The following KHDRBS2 variants were observed in gnomAD, a reference collection of about 807,000 sequenced individuals.
The protein encoded by KHDRBS2 is KH domain-containing, RNA-binding, signal transduction-associated protein 2.
A neutral mutation model predicts 44.3 loss-of-function variants in KHDRBS2; 26 were observed. The observed-to-expected ratio is 0.59, with a 90% CI of 0.43 to 0.81. KHDRBS2 has a LOEUF of 0.81. Ranked by LOEUF, KHDRBS2 falls within the 40% of genes least tolerant of loss-of-function variation. KHDRBS2 has a pLI of 0.00. For missense variants in KHDRBS2, 476 were observed against 433.1 expected, an observed-to-expected ratio of 1.10 and a Z score of -0.88; for synonymous variants, 194 against 151.1, an observed-to-expected ratio of 1.28 and a Z score of -2.08.
the KHDRBS2 span, among the ~76,000 whole-genome samples, chr6:61,626,872 G>GT: frequency 0.019 from 2,836 of 147,936 alleles, 32 homozygotes; most frequent in Non-Finnish European, 0.02. Flanking sequence ...TCTCTCTTCA[G>GT]TTTTTTTTTT....
At chr6:62,226,189 G>T (rs1001580109) in intron 1 of KHDRBS2, among the ~76,000 whole-genome samples, 1 of 151,974 alleles carries the variant, frequency 6.6e-6, no homozygotes, top group Non-Finnish European at 1.5e-5. Context: ...CCACAGCCTC[G>T]ACAGCATGTA....
chr6:61,651,707 A>G, the KHDRBS2 span, among the ~76,000 whole-genome samples: 1 of 152,116 alleles, frequency 6.6e-6, no homozygotes, highest in Non-Finnish European at 1.5e-5. Flanking sequence ...AATCCTTGTC[A>G]TTAATAACCA....
intron 4 of KHDRBS2, among the ~76,000 whole-genome samples, chr6:61,912,847 A>T (rs550620792): frequency 2.0e-5 from 3 of 152,272 alleles, no homozygotes; most frequent in African/African-American, 7.2e-5. Context: ...CTTAGCAATC[A>T]TGGGAATGAT....
In KHDRBS2 at chr6:62,206,968, A is replaced by G. The variant is rs567647768; in HGVS notation, c.92-29656T>C. On this transcript the variant is annotated intron_variant, in intron 1 of 8. Transcript: ENST00000281156. ...CCGTATCTTCTCTCTTCAAACTTAC[A>G]TGTACAGGTACATATACATGCCTGC... Among the ~76,000 whole-genome samples the G allele has an allele frequency of 1.2e-4, 19 of 152,264 alleles. No homozygotes were observed. The South Asian group carries it at 3.5e-3, about 28-fold the overall frequency.
chr6:61,561,710 A>ATGCTGCCAGACTTGGTACTTACCCCTCAG, the KHDRBS2 span, among the ~76,000 whole-genome samples: 1 of 152,156 alleles, frequency 6.6e-6, no homozygotes, highest in African/African-American at 2.4e-5. Context: ...CTTGTGGTGA[A>ATGCTGCCAGACTTGGTACTTACCCCTCAG]TGCTGCCAGA....
intron 2 of KHDRBS2, among the ~76,000 whole-genome samples, chr6:62,100,459 A>G (rs1801604948): frequency 6.6e-6 from 1 of 152,178 alleles, no homozygotes; most frequent in South Asian, 2.1e-4. Context: ...ACTGTGAGTA[A>G]AATGCTATCA....
chr6:62,129,206 C>A (rs913633050), intron 2 of KHDRBS2, among the ~76,000 whole-genome samples: 1 of 152,004 alleles, frequency 6.6e-6, no homozygotes, highest in African/African-American at 2.4e-5. Context: ...CCTCTGTTTA[C>A]AAGTTTATTA....
chr6:61,745,819 GC>G lies in KHDRBS2; in HGVS notation c.811-13056del, dbSNP rs199782859. Among the ~76,000 whole-genome samples, 1,157 of 152,156 alleles carry G rather than the reference GC, an allele frequency of 7.6e-3. 17 individuals carry two copies. The highest frequency in any genetic ancestry group is 0.026 in the African/African-American group (1,095 of 41,516). On this transcript the variant is annotated intron_variant, in intron 6 of 8. Transcript: ENST00000281156. ...ATTATTTATATAGTGCCTTGACGTT[GC>G]TGCTGTGTGTAAAATAAAATAAAAT...
rs141940173 is a variant in KHDRBS2, at chr6:62,156,297, C to T, written c.219+20888G>A. On this transcript the variant is annotated intron_variant, in intron 2 of 8. Coordinates refer to ENST00000281156, the MANE Select transcript of KHDRBS2 (RefSeq NM_152688.4). ...TACTTTTTAATGTATTTTGTACTAC[C>T]TATTTTTTATTAACCAAAAACTTTT... Among the ~76,000 whole-genome samples the T allele has an allele frequency of 4.9e-3, 753 of 152,146 alleles. 4 individuals carry two copies. Among genetic ancestry groups the T allele is most frequent in the Middle Eastern group, 0.014 (4 of 292 alleles).
chr6:62,009,692 T>G (rs758976096), intron 3 of KHDRBS2, among the ~76,000 whole-genome samples: 4 of 152,166 alleles, frequency 2.6e-5, no homozygotes, highest in African/African-American at 9.7e-5. Context: ...ACTCCAGCTG[T>G]GGCTGAAAGG....
At chr6:62,134,638 C>A (rs1811094796) in intron 2 of KHDRBS2, among the ~76,000 whole-genome samples, 1 of 152,102 alleles carries the variant, frequency 6.6e-6, no homozygotes, top group African/African-American at 2.4e-5. Context: ...TCAATGCCAG[C>A]CTGTGAAAGC....
intron 2 of KHDRBS2, among the ~76,000 whole-genome samples, chr6:62,125,232 T>C (rs537914424): frequency 1.6e-4 from 25 of 152,298 alleles, no homozygotes; most frequent in South Asian, 4.2e-4. Flanking sequence ...GGGCAGTGAT[T>C]ATGTGACTCT....
chr6:61,700,422 G>A (rs1768462967), intron 7 of KHDRBS2, among the ~76,000 whole-genome samples: 1 of 149,072 alleles, frequency 6.7e-6, no homozygotes, highest in African/African-American at 2.5e-5. Flanking sequence ...GGAGAACAGA[G>A]CATACTAGAT....
rs563891981 is a variant in KHDRBS2 at position 62,130,160 on chromosome 6, G to A, written c.219+47025C>T. 2.0e-5 allele frequency among the ~76,000 whole-genome samples: 3 copies of A among 152,240 alleles called. No individual in the cohort carries two copies. The South Asian group carries it at 6.2e-4, about 32-fold the overall frequency. On this transcript the variant is annotated intron_variant, in intron 2 of 8. Transcript: ENST00000281156. ...AGCAGGTGAAATCATTCATTTCACA[G>A]CCCTTCACATGAGAAGATAAATTTA...
intron 6 of KHDRBS2, among the ~76,000 whole-genome samples, chr6:61,745,945 G>C (rs559101638): frequency 1.3e-5 from 2 of 152,034 alleles, no homozygotes; most frequent in African/African-American, 2.4e-5. Flanking sequence ...TAAAGAGTGC[G>C]TGTCTTACAT....
intron 7 of KHDRBS2, among the ~76,000 whole-genome samples, chr6:61,705,399 GGCACTTGGTACACACCAAACACTGCTA>G (rs1181999912): frequency 6.6e-6 from 1 of 151,584 alleles, no homozygotes; most frequent in Non-Finnish European, 1.5e-5. Context: ...ATGCTTCTCT[GGCACTTGGTACACACCAAACACTGCTA>G]AGAGGTTTAC....
the KHDRBS2 span, among the ~76,000 whole-genome samples, chr6:61,569,631 C>A: frequency 6.6e-6 from 1 of 152,176 alleles, no homozygotes; most frequent in Non-Finnish European, 1.5e-5. Context: ...GAAGCCAGCA[C>A]ACTAAACATA....
intron 7 of KHDRBS2, among the ~76,000 whole-genome samples, chr6:61,713,268 C>T (rs1408330741): frequency 6.6e-6 from 1 of 151,600 alleles, no homozygotes; most frequent in Admixed American, 6.6e-5. Flanking sequence ...AGCAAAATAG[C>T]AAACCCTTAA....
chr6:62,032,539 C>T (rs1784545431), intron 3 of KHDRBS2, among the ~76,000 whole-genome samples: 1 of 149,240 alleles, frequency 6.7e-6, no homozygotes, highest in Non-Finnish European at 1.5e-5. Context: ...CATATATATA[C>T]ATATATATTA....
Sources: gnomAD v4.1 joint callset for allele counts (sites outside exome capture counted in the v4.1 genomes callset) on GRCh38, gnomAD v4.1.1 for gene constraint, MANE v1.5 for transcripts, NCBI Gene and HGNC (gene_info 2026-07-23, HGNC 2026-07-21) for gene names.